FXR2: variants seen among roughly 807,000 people sequenced by gnomAD.
The protein encoded by FXR2 is FMR1 autosomal homolog 2, also known as RNA-binding protein FXR2.
Under a neutral mutation model 87.3 loss-of-function variants are expected in FXR2, and 9 were observed. The ratio of observed to expected loss-of-function variants is 0.10; its 90% confidence interval spans 0.06 to 0.18. The LOEUF (loss-of-function observed/expected upper bound fraction) is 0.18, where lower values mean the gene tolerates loss of function less well. Among genes scored for constraint, FXR2 ranks in the 10% least tolerant of loss-of-function variants. FXR2 has a pLI of 1.00. For missense variants in FXR2, 661 were observed against 893.6 expected (o/e 0.74, Z 3.32); for synonymous variants, 331 against 328.3 (o/e 1.01, Z -0.09).
At chr17:7,596,019 A>C (rs760828162) in intron 7 of FXR2, 25 bp from the exon 8 acceptor site, 2 of 1,593,106 alleles carry the variant, frequency 1.3e-6, no homozygotes, top group Non-Finnish European at 1.7e-6. Flanking sequence ...CACTGTAGGA[A>C]TCATGGTGGT....
rs775356126 is a variant in FXR2 at position 7,606,768 on chromosome 17, TA to T, written c.82-620del. Among the ~76,000 whole-genome samples the T allele has an allele frequency of 1.4e-4, 21 of 152,286 alleles. No homozygotes were observed. In the South Asian group the frequency reaches 4.4e-3, roughly 32 times the overall value. On this transcript the variant is annotated intron_variant, in intron 1 of 16. Transcript: ENST00000250113. ...AATCTAGAATGACACTGATAATTTATAAAGGATAATAAAATTTATGGAAGAC... is the reference window on the plus strand; with the variant it reads ...AATCTAGAATGACACTGATAATTTATAAGGATAATAAAATTTATGGAAGAC...
At position 7,594,671 on chromosome 17, in the gene FXR2, C is replaced by T. The variant is rs1161852326; in HGVS notation, c.910+8G>A. ...ACCTCTAACTGTATATACACACCACCAACTCACCAACCAGGTTCCTGGGCA... is the reference window on the plus strand; with the variant it reads ...ACCTCTAACTGTATATACACACCACTAACTCACCAACCAGGTTCCTGGGCA... On this transcript the variant is annotated splice_region_variant and intron_variant, in intron 9 of 16. Coordinates refer to ENST00000250113, the MANE Select transcript of FXR2 (RefSeq NM_004860.4). The surrounding 1 kb of genome is among the most constrained non-coding windows in gnomAD (Gnocchi z 5.1). The T allele has an allele frequency of 1.3e-6, 2 of 1,559,336 alleles. No individual in the cohort carries two copies. The highest frequency in any genetic ancestry group is 8.8e-7 in the Non-Finnish European group (1 of 1,130,074).
intron 1 of FXR2, among the ~76,000 whole-genome samples, chr17:7,607,093 C>A (rs900358096): frequency 6.6e-5 from 10 of 152,076 alleles, no homozygotes; most frequent in Non-Finnish European, 1.3e-4. Context: ...ACGAGGCAGG[C>A]AGATCACCTG....
At position 7,593,425 on chromosome 17, in the gene FXR2, C is replaced by CCGGCCA. The variant is rs779926823; in HGVS notation, c.1302_1307dup (p.Gly435_Arg436dup). The CCGGCCA allele has an allele frequency of 1.1e-5, 17 of 1,578,702 alleles. No individual in the cohort carries two copies. Among genetic ancestry groups the CCGGCCA allele is most frequent in the East Asian group, 2.3e-5 (1 of 43,018 alleles). On this transcript the variant is annotated inframe_insertion, in exon 12 of 17. Transcript: ENST00000250113. The surrounding 1 kb of genome is among the most constrained non-coding windows in gnomAD (Gnocchi z 6.1). ...CACCATAGGCAGGACCGCCTGTCCT[C>CCGGCCA]CGGCCACGGCCACGGCCCCCATAGC...
chr17:7,608,441 A>T (rs79702228), intron 1 of FXR2, among the ~76,000 whole-genome samples: 5 of 149,262 alleles, frequency 3.3e-5, no homozygotes, highest in Non-Finnish European at 7.4e-5. Context: ...AAAAAAAAAA[A>T]AAATAATAAT....
chr17:7,612,153 C>A (rs1195167542), intron 1 of FXR2, among the ~76,000 whole-genome samples: 1 of 152,174 alleles, frequency 6.6e-6, no homozygotes, highest in African/African-American at 2.4e-5. Flanking sequence ...AACTGGATAC[C>A]AATCTTTCTC....
intron 1 of FXR2, among the ~76,000 whole-genome samples, chr17:7,609,939 T>C (rs565808675): frequency 0.011 from 1,242 of 114,748 alleles, 33 homozygotes; most frequent in African/African-American, 0.039. Flanking sequence ...TGTATATATA[T>C]ACATGTATAT....
chr17:7,592,065 T>C lies in FXR2; in HGVS notation c.1927-140A>G. The C allele has an allele frequency of 7.0e-7, 1 of 1,421,508 alleles. No individual in the cohort carries two copies. 88.1% of individuals were successfully genotyped at this position (1,421,508 alleles called of 1,614,324 possible). A position where few individuals can be genotyped will look rare whatever the true frequency, so the allele number is the denominator to read the frequency against. ...TTCCCTGATCTCATGATCCAGTCTC[T>C]CTTACTTGGGATCCAGAAAATGTGA... On this transcript the variant is annotated intron_variant, in intron 16 of 16. Transcript: ENST00000250113. The surrounding 1 kb of genome is among the most constrained non-coding windows in gnomAD (Gnocchi z 4.8).
rs769223715 is a variant in FXR2 at position 7,605,675 on chromosome 17, A to G, written c.198T>C (p.Asn66=). The stretch of plus-strand genomic sequence containing the variant: ...CTTCATCCCCTTCTGTGATCTCCTT[A>G]TTATAGTCAGCTGGAGGTGGTAGCC... ...DVRLPPPADY[N]KEITEGDEVE... is the part of the protein sequence containing the mutation. The change falls in exon 3 of 17, where the codon AAT becomes AAC. Residue 66 remains asparagine (N), a synonymous_variant. Transcript: ENST00000250113. 2 of 1,588,324 alleles carry G rather than the reference A, an allele frequency of 1.3e-6. No homozygotes were observed. The highest frequency in any genetic ancestry group is 1.7e-6 in the Non-Finnish European group (2 of 1,157,466).
chr17:7,612,938 G>A (rs2071883100), intron 1 of FXR2, among the ~76,000 whole-genome samples: 1 of 136,184 alleles, frequency 7.3e-6, no homozygotes, highest in African/African-American at 2.8e-5. Flanking sequence ...GGAGCTTGCA[G>A]TGAGCCAAGA....
Position 7,593,473 on chromosome 17 carries a change from A to C in FXR2, c.1260T>G (p.His420Gln). 1 of 1,590,248 alleles carries C rather than the reference A, an allele frequency of 6.3e-7. No individual in the cohort carries two copies. Among genetic ancestry groups the C allele is most frequent in the Non-Finnish European group, 8.6e-7 (1 of 1,169,492 alleles). Residue 420 changes from histidine (H) to glutamine (Q), a missense_variant, in exon 12 of 17, where the codon CAT (histidine) becomes CAG (glutamine). His to Gln is a conservative substitution (Grantham distance 24). Around this residue, in one of 3 missense-constraint regions of FXR2, gnomAD observed 409 missense variants for 432.0 expected, o/e 0.95. Coordinates refer to ENST00000250113, the MANE Select transcript of FXR2 (RefSeq NM_004860.4). The surrounding 1 kb of genome is among the most constrained non-coding windows in gnomAD (Gnocchi z 6.1). ...AGCTGCCCCCATAGGTTCGAGTCGCATGGAGGGAGGAGGAGGAGCTCTCAT... is the reference window on the plus strand; with the variant it reads ...AGCTGCCCCCATAGGTTCGAGTCGCCTGGAGGGAGGAGGAGGAGCTCTCAT... ...STDESSSSSL[H>Q]ATRTYGGSYG...
chr17:7,609,986 A>G (rs577263428), intron 1 of FXR2, among the ~76,000 whole-genome samples: 7 of 98,044 alleles, frequency 7.1e-5, no homozygotes, highest in South Asian at 3.1e-4. Context: ...ATACATATAT[A>G]TATACATGTA....
chr17:7,602,749 G>A, intron 6 of FXR2, 160 bp downstream of exon 6: 3 of 529,984 alleles, frequency 5.7e-6, no homozygotes, highest in African/African-American at 1.9e-5. Flanking sequence ...AAAAAAAAAA[G>A]GTAGGGCTAC....
chr17:7,602,465 G>A (rs953894160), intron 6 of FXR2, among the ~76,000 whole-genome samples: 13 of 152,188 alleles, frequency 8.5e-5, no homozygotes, highest in African/African-American at 2.9e-4. Context: ...CTACTCGGGA[G>A]GCTGAGGCAG....
chr17:7,604,615 C>T (rs1362727199), intron 3 of FXR2, among the ~76,000 whole-genome samples: 2 of 151,536 alleles, frequency 1.3e-5, no homozygotes, highest in Non-Finnish European at 2.9e-5. Flanking sequence ...TCACTTGAAC[C>T]AGGAGGTGGA....
Position 7,591,895 on chromosome 17 carries a change from G to T in FXR2, c.1957C>A (p.Pro653Thr). Residue 653 changes from proline (P) to threonine (T), a missense_variant, in exon 17 of 17, where the codon CCC (proline) becomes ACC (threonine). Pro to Thr is a conservative substitution (Grantham distance 38, BLOSUM62 -1). This residue lies in a region of FXR2 where 409 missense variants were observed against 432.0 expected (regional missense o/e 0.95). Transcript: ENST00000250113. This position sits in a 1 kb window ranked among gnomAD's most constrained non-coding sequence, Gnocchi z 4.0. ...GDSVSKLPKG[P>T]SENGELSAPL... ...GCGGAGAGCTCCCCATTCTCCGAGG[G>T]GCCCTTAGGAAGCTTGCTGACAGAG... The T allele has an allele frequency of 6.2e-7, 1 of 1,604,674 alleles. No homozygotes were observed. The highest frequency in any genetic ancestry group is 8.5e-7 in the Non-Finnish European group (1 of 1,171,562).
At chr17:7,603,075 G>C in intron 5 of FXR2, 73 bp from the exon 6 acceptor site, 1 of 757,900 alleles carries the variant, frequency 1.3e-6, no homozygotes, top group Non-Finnish European at 2.3e-6. Flanking sequence ...GGCTGGACAT[G>C]GTGGTTTGCA....
At position 7,592,667 on chromosome 17, in the gene FXR2, C is replaced by A; in HGVS notation, c.1729+27G>T. 1 of 1,613,372 alleles carries A rather than the reference C, an allele frequency of 6.2e-7. No individual in the cohort carries two copies. Among genetic ancestry groups the A allele is most frequent in the Non-Finnish European group, 8.5e-7 (1 of 1,179,424 alleles). On this transcript the variant is annotated intron_variant, in intron 14 of 16. Transcript: ENST00000250113. The surrounding 1 kb of genome is among the most constrained non-coding windows in gnomAD (Gnocchi z 4.8). ...ACCCTCGATTCCTACCCATCTCTAA[C>A]TTTCCAGACCCCAGGCACACCCTCA...
chr17:7,611,759 C>G (rs1016912444), intron 1 of FXR2, among the ~76,000 whole-genome samples: 1 of 152,120 alleles, frequency 6.6e-6, no homozygotes, highest in Admixed American at 6.6e-5. Context: ...ATGTACAATT[C>G]CAGAAGCAGT....
Sources: allele counts gnomAD v4.1 joint callset (sites outside exome capture counted in the v4.1 genomes callset), GRCh38; gene constraint gnomAD v4.1.1; regional missense constraint gnomAD v4.1.1; non-coding constraint Gnocchi (gnomAD v3.1); transcripts MANE v1.5; gene names NCBI Gene and HGNC (gene_info 2026-07-23, HGNC 2026-07-21).